Variants in CSRP3 observed in about 807,000 individuals in gnomAD.
The protein encoded by CSRP3 is cysteine and glycine rich protein 3.
Under a neutral mutation model 24.3 loss-of-function variants are expected in CSRP3, and 24 were observed. That is an observed-to-expected ratio of 0.99 (90% CI 0.71 to 1.39). The LOEUF is 1.39. Among genes scored for constraint, CSRP3 ranks in the 40% most tolerant of loss-of-function variants. The probability of loss-of-function intolerance (pLI) is 0.00; values close to 1 mark genes in which losing one functional copy is unlikely to be tolerated. For synonymous variants in CSRP3, 105 were observed against 94.0 expected (o/e 1.12, Z -0.68); for missense variants, 240 against 249.0 (o/e 0.96, Z 0.24).
Position 19,182,190 on chromosome 11 carries a change from T to A in CSRP3, c.*480A>T, listed in dbSNP as rs1850445433. The A allele has an allele frequency of 6.2e-6, 1 of 161,328 alleles. No individual in the cohort carries two copies. Among genetic ancestry groups the A allele is most frequent in the Non-Finnish European group, 1.4e-5 (1 of 72,812 alleles). 10.0% of individuals were successfully genotyped at this position (161,328 alleles called of 1,614,324 possible). On this transcript the variant is annotated 3_prime_UTR_variant, in exon 6 of 6. Coordinates refer to ENST00000265968, the MANE Select transcript of CSRP3 (RefSeq NM_003476.5). ...TTAGATTTTGCTATCATGTTCTCTATTTTCTCCCAGACCCCCTGTTTTCTT... is the reference window on the plus strand; with the variant it reads ...TTAGATTTTGCTATCATGTTCTCTAATTTCTCCCAGACCCCCTGTTTTCTT...
chr11:19,199,489 A>C (rs1357879055), intron 1 of CSRP3, among the ~76,000 whole-genome samples: 3 of 152,184 alleles, frequency 2.0e-5, no homozygotes, highest in Non-Finnish European at 4.4e-5. Flanking sequence ...TTTACTTCCC[A>C]AAACTCACTC....
intron 1 of CSRP3, among the ~76,000 whole-genome samples, chr11:19,200,825 G>A (rs1454183489): frequency 1.3e-5 from 2 of 152,128 alleles, no homozygotes; most frequent in Non-Finnish European, 1.5e-5. Flanking sequence ...GAGGACACAG[G>A]CCATCCCCAA....
chr11:19,186,321 G>C lies in CSRP3; in HGVS notation c.309C>G (p.Thr103=), dbSNP rs1273565241. The C allele has an allele frequency of 1.2e-6, 2 of 1,614,082 alleles. No individual in the cohort carries two copies. Among genetic ancestry groups the C allele is most frequent in the African/African-American group, 2.7e-5 (2 of 74,924 alleles). The change falls in exon 4 of 6, where the codon ACC becomes ACG. Residue 103 remains threonine, a synonymous_variant. Coordinates refer to ENST00000265968, the MANE Select transcript of CSRP3 (RefSeq NM_003476.5). ...QQSPKPARSV[T]TSNPSKFTAK... ...CAGTGAATTTGGAAGGGTTGCTGGTGGTAACTGAGCGTGCCGGCTTTGGGG... is the reference window on the plus strand; with the variant it reads ...CAGTGAATTTGGAAGGGTTGCTGGTCGTAACTGAGCGTGCCGGCTTTGGGG...
chr11:19,186,691 T>C (rs1378428463), intron 3 of CSRP3, among the ~76,000 whole-genome samples: 2 of 152,224 alleles, frequency 1.3e-5, no homozygotes, highest in African/African-American at 4.8e-5. Flanking sequence ...CTACTGTGCT[T>C]ATTTGTGTTT....
rs727504575 is a variant in CSRP3, at chr11:19,182,739, A to G, written c.516T>C (p.Tyr172=). The stretch of plus-strand genomic sequence containing the variant: ...TACCCGTGGGGCCAAAATTTTTGGC[A>G]TAGCAAACTGTGAATGAGAAGAGGA... ...KDGELYCKVC[Y]AKNFGPTGIG... Residue 172 remains tyrosine (Y), a synonymous_variant, in exon 6 of 6, where the codon TAT becomes TAC. Coordinates refer to ENST00000265968, the MANE Select transcript of CSRP3 (RefSeq NM_003476.5). 5.6e-6 allele frequency: 9 copies of G among 1,613,338 alleles called. No homozygotes were observed. The highest frequency in any genetic ancestry group is 2.2e-5 in the East Asian group (1 of 44,880).
chr11:19,188,274 G>A lies in CSRP3; in HGVS notation c.143C>T (p.Thr48Ile), dbSNP rs1850561050. The A allele has an allele frequency of 6.2e-7, 1 of 1,612,632 alleles. No homozygotes were observed. Among genetic ancestry groups the A allele is most frequent in the Non-Finnish European group, 8.5e-7 (1 of 1,179,994 alleles). Residue 48 changes from threonine (T) to isoleucine (I), a missense_variant, in exon 3 of 6, where the codon ACA (threonine) becomes ATA (isoleucine). Coordinates refer to ENST00000265968, the MANE Select transcript of CSRP3 (RefSeq NM_003476.5). ...GATCTCCGACTCATGAGCCGCGACT[G>A]TCGTGCTGTCAAGAGCCTTCCTGCA... ...MACRKALDSTTVAAHESEIYC... is the reference protein window; with the variant it reads ...MACRKALDSTIVAAHESEIYC...
intron 2 of CSRP3, among the ~76,000 whole-genome samples, chr11:19,189,177 T>G (rs919960615): frequency 2.0e-5 from 3 of 152,210 alleles, no homozygotes; most frequent in African/African-American, 7.2e-5. Context: ...GGCATCTCCC[T>G]CACCACCAGA....
At chr11:19,200,658 G>C (rs569644679) in intron 1 of CSRP3, among the ~76,000 whole-genome samples, 33 of 152,348 alleles carry the variant, frequency 2.2e-4, no homozygotes, top group African/African-American at 6.3e-4. Context: ...AATAGCCTGG[G>C]CTCATTGCCA....
At chr11:19,200,864 AC>A (rs1850827062) in intron 1 of CSRP3, among the ~76,000 whole-genome samples, 2 of 151,986 alleles carry the variant, frequency 1.3e-5, no homozygotes, top group African/African-American at 4.8e-5. Flanking sequence ...GTTCACTTAT[AC>A]CCTTCCCTGC....
intron 4 of CSRP3, 150 bp downstream of exon 4, chr11:19,186,066 G>T: frequency 1.0e-6 from 1 of 980,184 alleles, no homozygotes; most frequent in Non-Finnish European, 1.6e-6. Flanking sequence ...CCCCAGCCTG[G>T]GAAAGTGGCT....
rs199793773 is a variant in CSRP3 at position 19,188,181 on chromosome 11, C to G, written c.236G>C (p.Cys79Ser). 1.9e-6 allele frequency: 3 copies of G among 1,614,102 alleles called. No homozygotes were observed. The highest frequency in any genetic ancestry group is 2.7e-5 in the African/African-American group (2 of 75,056). The change falls in exon 3 of 6, where the codon TGT becomes TCT. Residue 79 changes from cysteine (C) to serine (S), a missense_variant. Transcript: ENST00000265968. Reference protein sequence around the residue: ...KGIGYGQGAGCLSTDTGEHLG... With the variant: ...KGIGYGQGAGSLSTDTGEHLG... ...ATGCTCGCCCGTGTCTGTGCTGAGA[C>G]AGCCAGCGCCTTGTCCATACCCGAT...
chr11:19,188,055 A>C (rs1196143725), intron 3 of CSRP3, 81 bp downstream of exon 3: 1 of 1,558,170 alleles, frequency 6.4e-7, no homozygotes, highest in African/African-American at 1.4e-5. Context: ...CACTTCCAGA[A>C]AACGTTGCTA....
intron 1 of CSRP3, among the ~76,000 whole-genome samples, chr11:19,200,327 T>A (rs974745103): frequency 6.6e-6 from 1 of 152,206 alleles, no homozygotes; most frequent in Non-Finnish European, 1.5e-5. Flanking sequence ...TAACTGATTA[T>A]CTTTATTTTC....
Position 19,182,686 on chromosome 11 carries a change from A to T in CSRP3, c.569T>A (p.Val190Glu). 1.9e-6 allele frequency: 3 copies of T among 1,614,004 alleles called. No homozygotes were observed. Among genetic ancestry groups the T allele is most frequent in the Non-Finnish European group, 2.5e-6 (3 of 1,179,954 alleles). ...CGCACCTCTTCATTCTTTCTTTTCC[A>T]CTTGTTGTGTAAGGCCTCCAAACCC... ...GIGFGGLTQQVEKKE is the reference protein window; with the variant it reads ...GIGFGGLTQQEEKKE The change falls in exon 6 of 6, where the codon GTG (valine) becomes GAG (glutamate). Residue 190 changes from valine to glutamate, a missense_variant. Physicochemically the swap from Val to Glu is moderately radical, Grantham distance 121 (BLOSUM62 -2). Coordinates refer to ENST00000265968, the MANE Select transcript of CSRP3 (RefSeq NM_003476.5).
intron 2 of CSRP3, among the ~76,000 whole-genome samples, chr11:19,188,509 T>G (rs1233822254): frequency 6.6e-6 from 1 of 151,930 alleles, no homozygotes; most frequent in Non-Finnish European, 1.5e-5. Flanking sequence ...TTGGGTTCAG[T>G]GGTTCCCAGC....
Position 19,182,308 on chromosome 11 carries a change from C to T in CSRP3, c.*362G>A, listed in dbSNP as rs1401406506. On this transcript the variant is annotated 3_prime_UTR_variant, in exon 6 of 6. Coordinates refer to ENST00000265968, the MANE Select transcript of CSRP3 (RefSeq NM_003476.5). ...TGTTTCTTCCTTCTCACTCCTTTCT[C>T]AGTTGACATCCAAATTTATTATATG... is the stretch of plus-strand genomic sequence containing the variant. 1 of 238,768 alleles carries T rather than the reference C, an allele frequency of 4.2e-6. No homozygotes were observed. Among genetic ancestry groups the T allele is most frequent in the Admixed American group, 4.9e-5 (1 of 20,282 alleles). The allele number at this position is 238,768 out of a possible 1,614,324, so 14.8% of individuals were successfully genotyped here. A position where few individuals can be genotyped will look rare whatever the true frequency, so the allele number is the denominator to read the frequency against.
At chr11:19,186,404 G>A in intron 3 of CSRP3, 56 bp from the exon 4 acceptor site, 5 of 1,611,000 alleles carry the variant, frequency 3.1e-6, no homozygotes, top group South Asian at 2.2e-5. Flanking sequence ...AAGAGTAGAA[G>A]AGCTGTGTGG....
chr11:19,186,104 T>G (rs1850520113), intron 4 of CSRP3, 112 bp downstream of exon 4: 1 of 1,410,584 alleles, frequency 7.1e-7, no homozygotes, highest in Non-Finnish European at 1.0e-6. Context: ...AAAGTTGTTC[T>G]GGGAGCTAGA....
intron 4 of CSRP3, 96 bp downstream of exon 4, chr11:19,186,120 T>A: frequency 6.6e-7 from 1 of 1,509,654 alleles, no homozygotes; most frequent in Non-Finnish European, 9.2e-7. Flanking sequence ...CTAGAGAGAA[T>A]GACAGCTGCT....
Sources: gnomAD v4.1 joint callset for allele counts (sites outside exome capture counted in the v4.1 genomes callset) on GRCh38, gnomAD v4.1.1 for gene constraint, MANE v1.5 for transcripts, NCBI Gene and HGNC (gene_info 2026-07-23, HGNC 2026-07-21) for gene names.